Variants in PCDHGB5 observed in about 807,000 individuals in gnomAD.
PCDHGB5 encodes the protein protocadherin gamma subfamily B, 5.
PCDHGB5 carries 48 observed loss-of-function variants against 62.9 expected under a neutral mutation model. The observed-to-expected ratio is 0.76, with a 90% confidence interval of 0.61 to 0.97. PCDHGB5 has a LOEUF of 0.97. Among genes scored for constraint, PCDHGB5 ranks in the 50% least tolerant of loss-of-function variants. PCDHGB5 has a pLI of 0.00. For missense variants in PCDHGB5, 1,118 were observed against 1,198.6 expected, an observed-to-expected ratio of 0.93 and a Z score of 0.99; for synonymous variants, 474 against 511.2, an observed-to-expected ratio of 0.93 and a Z score of 0.98.
intron 1 of PCDHGB5, chr5:141,423,278 A>C: frequency 1.2e-6 from 2 of 1,613,940 alleles, no homozygotes; most frequent in Non-Finnish European, 1.7e-6. Flanking sequence ...TCTCTGGCTA[A>C]CTCTGAAACC....
At chr5:141,500,929 C>T (rs1347340945) in intron 2 of PCDHGB5, among the ~76,000 whole-genome samples, 2 of 151,210 alleles carry the variant, frequency 1.3e-5, no homozygotes, top group South Asian at 2.1e-4. Flanking sequence ...GGTGCAGTGG[C>T]GCCATCTCGG....
At chr5:141,452,240 C>G (rs1365703172) in intron 1 of PCDHGB5, among the ~76,000 whole-genome samples, 1 of 152,084 alleles carries the variant, frequency 6.6e-6, no homozygotes, top group Non-Finnish European at 1.5e-5. Flanking sequence ...TTCTTGTGTC[C>G]TTTTGCCATA....
chr5:141,423,317 C>T, intron 1 of PCDHGB5: 4 of 1,614,118 alleles, frequency 2.5e-6, no homozygotes, highest in Non-Finnish European at 3.4e-6. Flanking sequence ...TTGGTGGTGG[C>T]GGTGGCCGCA....
chr5:141,479,324 C>G (rs2099492748), intron 1 of PCDHGB5: 1 of 152,556 alleles, frequency 6.6e-6, no homozygotes, highest in Admixed American at 6.5e-5. Context: ...TAGCCAGACT[C>G]AGTGGTGTGC....
chr5:141,456,698 C>T (rs1466672057), intron 1 of PCDHGB5, among the ~76,000 whole-genome samples: 1 of 152,132 alleles, frequency 6.6e-6, no homozygotes, highest in Non-Finnish European at 1.5e-5. Flanking sequence ...GGCGTGGTGG[C>T]TCGCGCCTGT....
chr5:141,511,400 T>A lies in PCDHGB5; in HGVS notation c.*227T>A, dbSNP rs1208021848. On this transcript the variant is annotated 3_prime_UTR_variant, in exon 4 of 4. Coordinates refer to ENST00000617380, the MANE Select transcript of PCDHGB5 (RefSeq NM_018925.3). ...AGTTCCGCTGGGAACCCCCATCCAA[T>A]CAACTGCTGTACCCATGGGGGTAGT... 1.1e-5 allele frequency: 11 copies of A among 982,132 alleles called. No individual in the cohort carries two copies. Among genetic ancestry groups the A allele is most frequent in the African/African-American group, 3.3e-5 (2 of 60,924 alleles). 60.8% of individuals were successfully genotyped at this position (982,132 alleles called of 1,614,324 possible).
At chr5:141,505,592 A>G in intron 3 of PCDHGB5, 111 bp downstream of exon 3, 1 of 1,567,266 alleles carries the variant, frequency 6.4e-7, no homozygotes. Context: ...GTTTCTCCAG[A>G]TCTTTCGGCA....
intron 1 of PCDHGB5, chr5:141,419,045 T>G (rs1473408777): frequency 6.2e-7 from 1 of 1,613,710 alleles, no homozygotes; most frequent in Non-Finnish European, 8.5e-7. Context: ...TAAGATTCAT[T>G]CTTCTTCTAA....
intron 1 of PCDHGB5, among the ~76,000 whole-genome samples, chr5:141,481,678 G>A (rs1033213047): frequency 6.6e-6 from 1 of 152,006 alleles, no homozygotes; most frequent in African/African-American, 2.4e-5. Flanking sequence ...ATCAGGCCGG[G>A]CCTGGTGGCT....
rs1036223789 is a variant in PCDHGB5, at chr5:141,511,298, G to C, written c.*125G>C. 49 of 1,502,412 alleles carry C rather than the reference G, an allele frequency of 3.3e-5. No homozygotes were observed. The African/African-American group carries it at 6.7e-4, about 20-fold the overall frequency. 93.1% of individuals were successfully genotyped at this position (1,502,412 alleles called of 1,614,324 possible). A position where few individuals can be genotyped will look rare whatever the true frequency, so the allele number is the denominator to read the frequency against. The stretch of plus-strand genomic sequence containing the variant: ...GAATACTGGTAGGGGCCAAGGCCAT[G>C]CTCCCCTTGGGAAACAGAAACAAGT... On this transcript the variant is annotated 3_prime_UTR_variant, in exon 4 of 4. Coordinates refer to ENST00000617380, the MANE Select transcript of PCDHGB5 (RefSeq NM_018925.3).
chr5:141,434,440 T>C (rs1283641379), intron 1 of PCDHGB5, among the ~76,000 whole-genome samples: 2 of 152,238 alleles, frequency 1.3e-5, no homozygotes, highest in Non-Finnish European at 2.9e-5. Flanking sequence ...GTAATGCCCA[T>C]GCTGGAAGGT....
At chr5:141,409,201 AATC>A (rs1377420843) in intron 1 of PCDHGB5, 1 of 1,614,044 alleles carries the variant, frequency 6.2e-7, no homozygotes, top group Non-Finnish European at 8.5e-7. Context: ...AGTGTAAAGT[AATC>A]ATAGAAATCC....
rs549801775 is a variant in PCDHGB5 at position 141,419,346 on chromosome 5, T to C, written c.2397+18822T>C. The C allele has an allele frequency of 6.2e-7, 1 of 1,613,828 alleles. No individual in the cohort carries two copies. The highest frequency in any genetic ancestry group is 2.2e-5 in the East Asian group (1 of 44,886). ...TCCTACTCTCTCATTGCCAGCGACCTGGAGTCACGAACGCTGTCGTCCTAC... is the reference window on the plus strand; with the variant it reads ...TCCTACTCTCTCATTGCCAGCGACCCGGAGTCACGAACGCTGTCGTCCTAC... On this transcript the variant is annotated intron_variant, in intron 1 of 3. Coordinates refer to ENST00000617380, the MANE Select transcript of PCDHGB5 (RefSeq NM_018925.3).
intron 2 of PCDHGB5, among the ~76,000 whole-genome samples, chr5:141,496,744 T>C (rs1383447795): frequency 6.6e-6 from 1 of 152,170 alleles, no homozygotes; most frequent in Non-Finnish European, 1.5e-5. Context: ...GTTCATTTAT[T>C]CAACAAATAT....
In PCDHGB5 at chr5:141,409,582, C is replaced by A. The variant is rs2095287974; in HGVS notation, c.2397+9058C>A. On this transcript the variant is annotated intron_variant, in intron 1 of 3. Coordinates refer to ENST00000617380, the MANE Select transcript of PCDHGB5 (RefSeq NM_018925.3). ...TCGACCAGACGTCCTACGTGGTCCA[C>A]GTGGCCGAGAACAACCCGCCAGGAG... 2.5e-6 allele frequency: 4 copies of A among 1,613,914 alleles called. No homozygotes were observed. The Middle Eastern group carries it at 4.9e-4, about 200-fold the overall frequency.
chr5:141,433,305 C>A, intron 1 of PCDHGB5: 1 of 931,030 alleles, frequency 1.1e-6, no homozygotes, highest in Non-Finnish European at 1.6e-6. Context: ...GCAATTATCC[C>A]ACCTTTGCCT....
At chr5:141,423,210 C>T in intron 1 of PCDHGB5, 2 of 1,613,696 alleles carry the variant, frequency 1.2e-6, no homozygotes, top group Non-Finnish European at 1.7e-6. Flanking sequence ...CCGTCACGCT[C>T]ACCGTGGCTG....
chr5:141,506,688 T>G (rs114532236), intron 3 of PCDHGB5, among the ~76,000 whole-genome samples: 2,113 of 152,334 alleles, frequency 0.014, 37 homozygotes, highest in African/African-American at 0.048. Flanking sequence ...TTATCTTTGC[T>G]GACCCAAACC....
At chr5:141,492,560 G>T (rs2099742000) in intron 1 of PCDHGB5, among the ~76,000 whole-genome samples, 1 of 152,156 alleles carries the variant, frequency 6.6e-6, no homozygotes, top group Non-Finnish European at 1.5e-5. Context: ...CCTGGGGGGC[G>T]GCCTGAGCGA....
Sources: gnomAD v4.1 joint callset for allele counts (sites outside exome capture counted in the v4.1 genomes callset) on GRCh38, gnomAD v4.1.1 for gene constraint, MANE v1.5 for transcripts, NCBI Gene and HGNC (gene_info 2026-07-23, HGNC 2026-07-21) for gene names.